Variants in NKAIN2 observed in about 807,000 individuals in gnomAD.
NKAIN2 encodes sodium/potassium transporting ATPase interacting 2.
In NKAIN2, 14 loss-of-function variants were observed where a neutral mutation model predicts 32.6. The ratio of observed to expected loss-of-function variants is 0.43; its 90% confidence interval spans 0.28 to 0.67. NKAIN2 has a LOEUF of 0.67. Ranked by LOEUF, NKAIN2 falls within the 30% of genes least tolerant of loss-of-function variation. NKAIN2 has a pLI of 0.17. For missense variants in NKAIN2, 198 were observed against 258.3 expected, an observed-to-expected ratio of 0.77 and a Z score of 1.60; for synonymous variants, 80 against 87.2, an observed-to-expected ratio of 0.92 and a Z score of 0.46.
intron 4 of NKAIN2, among the ~76,000 whole-genome samples, chr6:124,703,267 C>T (rs1436033553): frequency 1.3e-5 from 2 of 149,928 alleles, no homozygotes; most frequent in East Asian, 3.9e-4. Context: ...GTGGGAAAGA[C>T]TAAAGGAAAA....
At chr6:124,486,840 C>T (rs1438182829) in intron 3 of NKAIN2, among the ~76,000 whole-genome samples, 2 of 152,050 alleles carry the variant, frequency 1.3e-5, no homozygotes, top group East Asian at 3.9e-4. Context: ...TCTGCCCGTT[C>T]CCTGAATCTA....
chr6:123,951,981 C>A (rs1261166206), intron 1 of NKAIN2, among the ~76,000 whole-genome samples: 1 of 150,854 alleles, frequency 6.6e-6, no homozygotes, highest in South Asian at 2.1e-4. Context: ...TGTGTGTTTG[C>A]TCTACCTTTG....
At chr6:124,292,775 C>A (rs2626115) in intron 2 of NKAIN2, among the ~76,000 whole-genome samples, 2 of 151,818 alleles carry the variant, frequency 1.3e-5, no homozygotes, top group Non-Finnish European at 2.9e-5. Flanking sequence ...TAGGCAGACT[C>A]TCATCCCTAT....
At chr6:123,960,940 T>C (rs1301108269) in intron 1 of NKAIN2, among the ~76,000 whole-genome samples, 2 of 151,992 alleles carry the variant, frequency 1.3e-5, no homozygotes, top group Non-Finnish European at 2.9e-5. Context: ...GACGGAAATA[T>C]GTCTTCCATT....
At chr6:124,098,373 A>G (rs895429883) in intron 1 of NKAIN2, among the ~76,000 whole-genome samples, 13 of 152,186 alleles carry the variant, frequency 8.5e-5, no homozygotes, top group African/African-American at 3.1e-4. Flanking sequence ...TTCAAGCAAA[A>G]TGTATACAAA....
Position 124,354,807 on chromosome 6 carries a change from A to C in NKAIN2, c.193-460A>C, listed in dbSNP as rs922820960. Among the ~76,000 whole-genome samples the C allele has an allele frequency of 1.4e-4, 21 of 149,838 alleles. 1 individual carries two copies. Among genetic ancestry groups the C allele is most frequent in the Admixed American group, 1.1e-3 (16 of 14,918 alleles). Reference sequence around the variant, plus strand: ...AAAACCTAAAAATTTATCCTTAAGCAGGTTTGAGCTGTAATCCTATGAGTC... The same window carrying C: ...AAAACCTAAAAATTTATCCTTAAGCCGGTTTGAGCTGTAATCCTATGAGTC... On this transcript the variant is annotated intron_variant, in intron 2 of 6. Transcript: ENST00000368417.
chr6:124,055,908 C>T (rs986844803), intron 1 of NKAIN2, among the ~76,000 whole-genome samples: 1 of 152,076 alleles, frequency 6.6e-6, no homozygotes, highest in Non-Finnish European at 1.5e-5. Context: ...TGAGATTTAA[C>T]TAAAATGGTT....
intron 2 of NKAIN2, among the ~76,000 whole-genome samples, chr6:124,326,908 C>A (rs1277509309): frequency 6.6e-6 from 1 of 152,076 alleles, no homozygotes; most frequent in Non-Finnish European, 1.5e-5. Flanking sequence ...TGACCTTAGC[C>A]ACTTAGTTTT....
rs895150808 is a variant in NKAIN2, at chr6:124,360,727, A to T, written c.273+5380A>T. On this transcript the variant is annotated intron_variant, in intron 3 of 6. Coordinates refer to ENST00000368417, the MANE Select transcript of NKAIN2 (RefSeq NM_001040214.3). The stretch of plus-strand genomic sequence containing the variant: ...AGGAGCAAATAAACATACACATTTC[A>T]TATAATTATTTCTGCTAATGCTAAT... Among the ~76,000 whole-genome samples, 10 of 152,308 alleles carry T rather than the reference A, an allele frequency of 6.6e-5. 1 individual carries two copies. In the South Asian group the frequency reaches 2.1e-3, roughly 32 times the overall value.
chr6:123,812,827 G>C (rs573160955), intron 1 of NKAIN2, among the ~76,000 whole-genome samples: 1 of 152,314 alleles, frequency 6.6e-6, no homozygotes, highest in East Asian at 1.9e-4. Flanking sequence ...CCCCAACAAT[G>C]TTGCATTCTT....
chr6:124,812,878 A>T (rs1780966281), intron 5 of NKAIN2, among the ~76,000 whole-genome samples: 1 of 152,076 alleles, frequency 6.6e-6, no homozygotes, highest in African/African-American at 2.4e-5. Flanking sequence ...CATTCATCTC[A>T]AATTCATTGA....
intron 3 of NKAIN2, among the ~76,000 whole-genome samples, chr6:124,381,526 C>T (rs1201005841): frequency 6.6e-6 from 1 of 152,092 alleles, no homozygotes; most frequent in African/African-American, 2.4e-5. Flanking sequence ...TTGAGGCCTG[C>T]GTGTTACAGC....
At chr6:124,620,978 T>C (rs956136893) in intron 3 of NKAIN2, among the ~76,000 whole-genome samples, 1 of 152,182 alleles carries the variant, frequency 6.6e-6, no homozygotes. Flanking sequence ...AAGTTGCTTT[T>C]TTCTCTCTCA....
At chr6:123,814,406 A>AT (rs1420144810) in intron 1 of NKAIN2, among the ~76,000 whole-genome samples, 4 of 152,204 alleles carry the variant, frequency 2.6e-5, no homozygotes, top group Non-Finnish European at 5.9e-5. Context: ...GAATAGATTT[A>AT]TTTTTATTCA....
intron 5 of NKAIN2, among the ~76,000 whole-genome samples, chr6:124,806,241 A>C (rs1780549835): frequency 1.3e-5 from 2 of 152,202 alleles, no homozygotes; most frequent in African/African-American, 4.8e-5. Context: ...GCCAGAGAGA[A>C]AGATCGGGTT....
At chr6:124,598,031 C>T (rs1782157674) in intron 3 of NKAIN2, among the ~76,000 whole-genome samples, 2 of 152,164 alleles carry the variant, frequency 1.3e-5, no homozygotes, top group East Asian at 3.9e-4. Flanking sequence ...CTTCTTAAAA[C>T]ATCTAACTTT....
chr6:124,274,766 A>C (rs1182118942), intron 1 of NKAIN2, among the ~76,000 whole-genome samples: 1 of 152,110 alleles, frequency 6.6e-6, no homozygotes, highest in Non-Finnish European at 1.5e-5. Flanking sequence ...TTATCACAGA[A>C]TGCGGACACA....
Position 124,676,569 on chromosome 6 carries a change from T to C in NKAIN2, c.474+18183T>C, listed in dbSNP as rs983050670. Among the ~76,000 whole-genome samples the C allele has an allele frequency of 3.3e-5, 5 of 152,138 alleles. No homozygotes were observed. In the East Asian group the frequency reaches 7.7e-4, roughly 24 times the overall value. On this transcript the variant is annotated intron_variant, in intron 4 of 6. Coordinates refer to ENST00000368417, the MANE Select transcript of NKAIN2 (RefSeq NM_001040214.3). ...TCATGAGTTCACCCTATTATCCCTA[T>C]ATAGTCCTTCTTTGTCTCTTGTGAC...
chr6:124,256,885 G>GTTTTTTTT (rs568654193), intron 1 of NKAIN2, among the ~76,000 whole-genome samples: 21 of 75,904 alleles, frequency 2.8e-4, no homozygotes, highest in African/African-American at 5.8e-4. Context: ...GCTTTCTGTT[G>GTTTTTTTT]TTTTTTTTTT....
Sources: gnomAD v4.1 joint callset for allele counts (sites outside exome capture counted in the v4.1 genomes callset) on GRCh38, gnomAD v4.1.1 for gene constraint, MANE v1.5 for transcripts, NCBI Gene and HGNC (gene_info 2026-07-23, HGNC 2026-07-21) for gene names.